Variants in RBFOX1 observed in about 807,000 individuals in gnomAD.
RBFOX1 encodes the protein RNA binding fox-1 homolog 1.
Under a neutral mutation model 57.7 loss-of-function variants are expected in RBFOX1, and 8 were observed. The observed-to-expected ratio is 0.14, with a 90% CI of 0.08 to 0.25. The LOEUF is 0.25. RBFOX1 is among the 10% of genes least tolerant of loss of function. The pLI, the probability that RBFOX1 is intolerant of heterozygous loss-of-function variation, is 1.00. For synonymous variants in RBFOX1, 326 were observed against 222.4 expected, an observed-to-expected ratio of 1.47 and a Z score of -4.15; for missense variants, 611 against 548.5, an observed-to-expected ratio of 1.11 and a Z score of -1.14.
chr16:5,712,009 AG>A (rs746551070), intron 3 of RBFOX1, among the ~76,000 whole-genome samples: 13 of 152,346 alleles, frequency 8.5e-5, no homozygotes, highest in Middle Eastern at 3.4e-3. Context: ...ATGGCTGGGA[AG>A]GCCTCAGGAA....
chr16:5,842,668 G>A (rs1029944998), intron 3 of RBFOX1, among the ~76,000 whole-genome samples: 3 of 152,130 alleles, frequency 2.0e-5, no homozygotes, highest in Non-Finnish European at 2.9e-5. Flanking sequence ...TTCAAAGAAT[G>A]GATTTCTCAT....
intron 4 of RBFOX1, among the ~76,000 whole-genome samples, chr16:7,170,811 G>A (rs898448168): frequency 1.3e-5 from 2 of 152,172 alleles, no homozygotes; most frequent in Admixed American, 6.5e-5. Context: ...TGGTGACAGA[G>A]CTTCCACTTA....
At chr16:6,575,041 TAAAAAA>T (rs60159843) in intron 2 of RBFOX1, among the ~76,000 whole-genome samples, 90 of 142,170 alleles carry the variant, frequency 6.3e-4, no homozygotes, top group Middle Eastern at 3.6e-3. Flanking sequence ...CCGTCTCAAT[TAAAAAA>T]AAAAAAAAAA....
chr16:7,313,443 C>A (rs1025597167), intron 4 of RBFOX1, among the ~76,000 whole-genome samples: 4 of 148,630 alleles, frequency 2.7e-5, no homozygotes, highest in Admixed American at 1.4e-4. Context: ...TCCTTTCTTT[C>A]TTCTTTTTTA....
rs141057540 is a variant in RBFOX1 at position 5,830,730 on chromosome 16, C to G, written c.319-36573C>G. ...CCCTAGAATAACACTGCCATCTTTGCCACCATTGCAGTGTGCCTGCTGGAC... is the reference window on the plus strand; with the variant it reads ...CCCTAGAATAACACTGCCATCTTTGGCACCATTGCAGTGTGCCTGCTGGAC... On this transcript the variant is annotated intron_variant, in intron 3 of 19. Coordinates refer to the RBFOX1 transcript ENST00000641259. Among the ~76,000 whole-genome samples the G allele has an allele frequency of 3.3e-5, 5 of 152,214 alleles. No individual in the cohort carries two copies. In the South Asian group the frequency reaches 8.3e-4, roughly 25 times the overall value.
At chr16:6,647,788 G>A (rs1032178038) in intron 2 of RBFOX1, among the ~76,000 whole-genome samples, 1 of 152,116 alleles carries the variant, frequency 6.6e-6, no homozygotes, top group Non-Finnish European at 1.5e-5. Flanking sequence ...AGGTTGGAAT[G>A]CAGTGGTACA....
intron 4 of RBFOX1, among the ~76,000 whole-genome samples, chr16:7,316,544 A>G (rs1327624297): frequency 6.6e-6 from 1 of 152,220 alleles, no homozygotes; most frequent in African/African-American, 2.4e-5. Flanking sequence ...GATACAGACA[A>G]GGAAAGCAGG....
chr16:7,702,163 G>A (rs1168212401), intron 14 of RBFOX1, among the ~76,000 whole-genome samples: 1 of 152,200 alleles, frequency 6.6e-6, no homozygotes, highest in East Asian at 1.9e-4. Context: ...CTGGGATTCT[G>A]CGATTTGAAA....
chr16:5,360,418 AG>A (rs1307699076), intron 1 of RBFOX1, among the ~76,000 whole-genome samples: 2 of 152,210 alleles, frequency 1.3e-5, no homozygotes, highest in Non-Finnish European at 2.9e-5. Flanking sequence ...GTGGGAGAAA[AG>A]GTGCCAGGCT....
At chr16:7,117,209 T>C (rs1366572621) in intron 4 of RBFOX1, among the ~76,000 whole-genome samples, 1 of 152,172 alleles carries the variant, frequency 6.6e-6, no homozygotes, top group Non-Finnish European at 1.5e-5. Flanking sequence ...CATTTTGGGC[T>C]TTGTAACAAG....
At chr16:7,220,901 C>G (rs906395308) in intron 4 of RBFOX1, among the ~76,000 whole-genome samples, 1 of 152,054 alleles carries the variant, frequency 6.6e-6, no homozygotes. Flanking sequence ...TCTGGGACTG[C>G]TCTATGGAAT....
intron 3 of RBFOX1, among the ~76,000 whole-genome samples, chr16:6,806,804 A>AC: frequency 9.7e-6 from 1 of 103,202 alleles, no homozygotes; most frequent in Non-Finnish European, 1.9e-5. Context: ...TTATATATAT[A>AC]AATAAATATA....
intron 2 of RBFOX1, among the ~76,000 whole-genome samples, chr16:6,320,378 C>T (rs1404081544): frequency 6.6e-6 from 1 of 152,056 alleles, no homozygotes; most frequent in African/African-American, 2.4e-5. Context: ...GTAGAGAGGG[C>T]ACTGCTTGGG....
chr16:7,323,998 A>T (rs540604367), intron 4 of RBFOX1, among the ~76,000 whole-genome samples: 1 of 152,286 alleles, frequency 6.6e-6, no homozygotes, highest in East Asian at 1.9e-4. Flanking sequence ...GTCTGGATCA[A>T]ACAAGATCCA....
chr16:5,790,359 C>G (rs962627303), intron 3 of RBFOX1, among the ~76,000 whole-genome samples: 1 of 152,034 alleles, frequency 6.6e-6, no homozygotes. Flanking sequence ...TTCCATTGTC[C>G]AAGGTGCAGA....
chr16:6,944,622 T>C (rs1283019158), intron 3 of RBFOX1, among the ~76,000 whole-genome samples: 1 of 151,828 alleles, frequency 6.6e-6, no homozygotes, highest in Non-Finnish European at 1.5e-5. Flanking sequence ...TCAGCCTCTG[T>C]CTAGTTTTTG....
chr16:6,156,328 G>C (rs1188756569), intron 1 of RBFOX1, among the ~76,000 whole-genome samples: 2 of 152,168 alleles, frequency 1.3e-5, no homozygotes, highest in Non-Finnish European at 2.9e-5. Context: ...GAAGCCATTT[G>C]TTTCACAGGG....
chr16:7,579,152 A>G (rs138925139), intron 5 of RBFOX1, among the ~76,000 whole-genome samples: 95 of 152,376 alleles, frequency 6.2e-4, no homozygotes, highest in Non-Finnish European at 9.8e-4. Context: ...AAATTGTCAC[A>G]TGTGGTCAAC....
At chr16:5,700,723 C>G (rs534996957) in intron 3 of RBFOX1, among the ~76,000 whole-genome samples, 13 of 152,320 alleles carry the variant, frequency 8.5e-5, no homozygotes, top group African/African-American at 2.9e-4. Flanking sequence ...GTTAGAGCTT[C>G]TCAATCCTTC....
Sources: gnomAD v4.1 joint callset for allele counts (sites outside exome capture counted in the v4.1 genomes callset) on GRCh38, gnomAD v4.1.1 for gene constraint, MANE v1.5 for transcripts, NCBI Gene and HGNC (gene_info 2026-07-23, HGNC 2026-07-21) for gene names.